TP53BP1: variants seen among roughly 807,000 people sequenced by gnomAD.
The protein encoded by TP53BP1 is TP53-binding protein 1.
TP53BP1 carries 61 observed loss-of-function variants against 200.8 expected under a neutral mutation model. The ratio of observed to expected loss-of-function variants is 0.30; its 90% CI spans 0.25 to 0.38. TP53BP1 has a LOEUF of 0.38. Among genes scored for constraint, TP53BP1 ranks in the 10% least tolerant of loss-of-function variants. The pLI, the probability that TP53BP1 is intolerant of heterozygous loss-of-function variation, is 1.00. For missense variants in TP53BP1, 2,144 were observed against 2,371.9 expected, an observed-to-expected ratio of 0.90 and a Z score of 2.00; for synonymous variants, 822 against 844.3, an observed-to-expected ratio of 0.97 and a Z score of 0.46.
At chr15:43,407,599 GAAA>G (rs771351538) in intron 27 of TP53BP1, 29 bp from the exon 28 acceptor site, 41 of 1,591,250 alleles carry the variant, frequency 2.6e-5, no homozygotes, top group Non-Finnish European at 3.5e-5. Context: ...AGTGAAGAAG[GAAA>G]GGACACTCAA....
intron 19 of TP53BP1, 73 bp from the exon 20 acceptor site, chr15:43,421,247 C>A: frequency 6.6e-7 from 1 of 1,522,958 alleles, no homozygotes; most frequent in Admixed American, 1.7e-5. Context: ...TCCCCTTGGC[C>A]CTCAGACTAC....
At chr15:43,428,672 A>T (rs2045605273) in intron 17 of TP53BP1, among the ~76,000 whole-genome samples, 1 of 152,230 alleles carries the variant, frequency 6.6e-6, no homozygotes, top group African/African-American at 2.4e-5. Flanking sequence ...TACCTAAAAC[A>T]ATATACACTG....
Position 43,446,549 on chromosome 15 carries a change from C to T in TP53BP1, c.2878G>A (p.Val960Ile), listed in dbSNP as rs775576970. The T allele has an allele frequency of 1.2e-6, 2 of 1,614,016 alleles. No individual in the cohort carries two copies. Among genetic ancestry groups the T allele is most frequent in the Non-Finnish European group, 8.5e-7 (1 of 1,180,030 alleles). The change falls in exon 14 of 28, where the codon GTC becomes ATC. Residue 960 changes from valine (V) to isoleucine (I), a missense_variant. Physicochemically the swap from Val to Ile is conservative, Grantham distance 29. Around this residue, in one of 4 missense-constraint regions of TP53BP1, gnomAD observed 1,700 missense variants for 1,710.3 expected, o/e 0.99. Transcript: ENST00000382044. ...GTCTCCACCATGCTTTCAGACATGA[C>T]ATCACTGGTTGCTATGGTGCTTTCT... Reference protein sequence around the residue: ...YPESTIATSDVMSESMVETHD... With the variant: ...YPESTIATSDIMSESMVETHD...
Position 43,508,958 on chromosome 15 carries a change from T to C in TP53BP1, c.-9+1412A>G, listed in dbSNP as rs547749659. Among the ~76,000 whole-genome samples, 25 of 152,310 alleles carry C rather than the reference T, an allele frequency of 1.6e-4. No individual in the cohort carries two copies. The South Asian group carries it at 5.2e-3, about 32-fold the overall frequency. ...CCCTATACCATTCAGATCTATTGTC[T>C]AGTCTCTTTGTGAGACTTGATGAAA... On this transcript the variant is annotated intron_variant, in intron 1 of 27. Transcript: ENST00000263801.
chr15:43,459,921 G>A (rs1458919784), intron 11 of TP53BP1, among the ~76,000 whole-genome samples: 1 of 152,168 alleles, frequency 6.6e-6, no homozygotes, highest in African/African-American at 2.4e-5. Flanking sequence ...ACAGAAAGCT[G>A]ATGTGTGATT....
At chr15:43,470,987 T>C (rs2140095407) in intron 10 of TP53BP1, among the ~76,000 whole-genome samples, 1 of 152,340 alleles carries the variant, frequency 6.6e-6, no homozygotes, top group African/African-American at 2.4e-5. Context: ...GCCTTTAATA[T>C]ACTACCATAG....
At chr15:43,413,472 C>T (rs12908460) in intron 23 of TP53BP1, 138 bp from the exon 24 acceptor site, 110,967 of 656,620 alleles carry the variant, frequency 0.17, 10,610 homozygotes, top group Middle Eastern at 0.25. Context: ...AGCCAGAAAC[C>T]AAAGACCATT....
chr15:43,422,855 C>T (rs555802055), intron 18 of TP53BP1, among the ~76,000 whole-genome samples: 1 of 151,476 alleles, frequency 6.6e-6, no homozygotes, highest in East Asian at 1.9e-4. Context: ...ATTAGCCAGG[C>T]GTGGGAGTGC....
chr15:43,426,537 A>G (rs2045538349), intron 18 of TP53BP1, among the ~76,000 whole-genome samples: 1 of 152,040 alleles, frequency 6.6e-6, no homozygotes, highest in African/African-American at 2.4e-5. Context: ...TAAAACAAAC[A>G]ACAATTCCTC....
At chr15:43,419,535 CCTTTTTT>C (rs2045346045) in intron 21 of TP53BP1, among the ~76,000 whole-genome samples, 1 of 119,016 alleles carries the variant, frequency 8.4e-6, no homozygotes, top group Non-Finnish European at 1.6e-5. Context: ...AATTTATGTT[CCTTTTTT>C]TTTTTTTTTT....
chr15:43,492,237 T>TAA (rs34075231), intron 2 of TP53BP1, 47 bp downstream of exon 2: 753 of 1,310,476 alleles, frequency 5.7e-4, no homozygotes, highest in African/African-American at 2.5e-3. Flanking sequence ...GTTTTCGGTT[T>TAA]AAAAAAAAAA....
rs560835298 is a variant in TP53BP1, at chr15:43,476,070, G to A, written c.956-376C>T. Among the ~76,000 whole-genome samples the A allele has an allele frequency of 2.6e-4, 40 of 152,212 alleles. No individual in the cohort carries two copies. The South Asian group carries it at 4.2e-3, about 16-fold the overall frequency. ...ATCTGAGGTCAGGAGTTCAAGACTA[G>A]CCAGACCAACATGGTGAAACCTCAT... On this transcript the variant is annotated intron_variant, in intron 8 of 27. Coordinates refer to ENST00000382044, the MANE Select transcript of TP53BP1 (RefSeq NM_001141980.3).
chr15:43,414,492 T>C (rs534605073), intron 23 of TP53BP1, among the ~76,000 whole-genome samples: 4 of 152,314 alleles, frequency 2.6e-5, no homozygotes, highest in Admixed American at 2.0e-4. Context: ...TAACAATCAA[T>C]GGAGTTTCAT....
At chr15:43,454,648 C>T (rs2046252719) in intron 12 of TP53BP1, among the ~76,000 whole-genome samples, 1 of 152,132 alleles carries the variant, frequency 6.6e-6, no homozygotes, top group Non-Finnish European at 1.5e-5. Flanking sequence ...CAGGCGTGAG[C>T]CACCACGCCT....
chr15:43,477,315 A>AG (rs1389215016), intron 8 of TP53BP1, among the ~76,000 whole-genome samples: 3 of 149,856 alleles, frequency 2.0e-5, no homozygotes, highest in African/African-American at 7.5e-5. Flanking sequence ...AAAAAAAAAG[A>AG]AAAAAAGAAA....
chr15:43,441,477 T>A, intron 15 of TP53BP1, 49 bp downstream of exon 15: 1 of 1,238,594 alleles, frequency 8.1e-7, no homozygotes, highest in Non-Finnish European at 1.2e-6. Flanking sequence ...TCTACCCTCA[T>A]CACCAGTAGC....
Position 43,477,759 on chromosome 15 carries a change from C to G in TP53BP1, c.789G>C (p.Arg263Ser). 6.5e-7 allele frequency: 1 copy of G among 1,547,078 alleles called. No individual in the cohort carries two copies. Among genetic ancestry groups the G allele is most frequent in the South Asian group, 1.3e-5 (1 of 79,398 alleles). The change falls in exon 8 of 28, where the codon AGG (arginine) becomes AGC (serine). Residue 263 changes from arginine to serine, a missense_variant and splice_region_variant. Transcript: ENST00000382044. ...VVKEQNPPPA[R>S]SEDMPFSPKA... ...TGGGGCTAAAAGGCATGTCCTCTGA[C>G]CTAGGAAATTCATATCACCAGGAGA...
intron 4 of TP53BP1, among the ~76,000 whole-genome samples, chr15:43,488,529 C>A (rs919534067): frequency 1.3e-5 from 2 of 152,202 alleles, no homozygotes; most frequent in African/African-American, 4.8e-5. Flanking sequence ...GGTGATAAAA[C>A]TATGTAAAAC....
intron 1 of TP53BP1, among the ~76,000 whole-genome samples, 159 bp from the exon 2 acceptor site, chr15:43,492,627 T>C (rs45518138): frequency 0.019 from 2,846 of 152,170 alleles, 64 homozygotes; most frequent in African/African-American, 0.065. Flanking sequence ...TGCAAGCACT[T>C]TCCTATCATG....
Sources: gnomAD v4.1 joint callset for allele counts (sites outside exome capture counted in the v4.1 genomes callset) on GRCh38, gnomAD v4.1.1 for gene constraint, gnomAD v4.1.1 regional missense constraint, MANE v1.5 for transcripts, NCBI Gene and HGNC (gene_info 2026-07-23, HGNC 2026-07-21) for gene names.